Variants in SMARCA1 observed in about 807,000 individuals in gnomAD.
SMARCA1 encodes the protein SWI/SNF-related matrix-associated actin-dependent regulator of chromatin subfamily A member 1.
SMARCA1 carries 17 observed loss-of-function variants against 93.6 expected under a neutral mutation model. The observed-to-expected ratio is 0.18, with a 90% confidence interval of 0.12 to 0.27. The LOEUF is 0.27. SMARCA1 is among the 10% of genes least tolerant of loss of function. The pLI, the probability that SMARCA1 is intolerant of heterozygous loss-of-function variation, is 1.00. For missense variants in SMARCA1, 630 were observed against 819.0 expected (o/e 0.77, Z 2.82); for synonymous variants, 271 against 271.4 (o/e 1.00, Z 0.01).
chrX:129,498,542 T>C (rs959307475), intron 10 of SMARCA1, among the ~76,000 whole-genome samples: 1 of 111,493 alleles, frequency 9.0e-6, no homozygotes, highest in African/African-American at 3.3e-5. Flanking sequence ...ATTATAATAA[T>C]TATCAACTTT....
At position 129,471,259 on chromosome X, in the gene SMARCA1, C is replaced by G. The variant is rs34182579; in HGVS notation, c.2510G>C (p.Gly837Ala). 1,942 of 1,197,113 alleles carry G rather than the reference C, an allele frequency of 1.6e-3. 27 individuals are homozygous for G. In the African/African-American group the frequency reaches 0.029, roughly 18 times the overall value. The stretch of plus-strand genomic sequence containing the variant: ...CTCTTCTGGTGTAAGAGGTTCAGCT[C>G]CATCAATCTTTTTTTGCTCTTCTCT... ...AQREEQKKIDGAEPLTPEETE... is the reference protein window; with the variant it reads ...AQREEQKKIDAAEPLTPEETE... Residue 837 changes from glycine (G) to alanine (A), a missense_variant, in exon 20 of 25, where the codon GGA becomes GCA. Coordinates refer to ENST00000371121, the MANE Select transcript of SMARCA1 (RefSeq NM_001282874.2).
intron 23 of SMARCA1, among the ~76,000 whole-genome samples, chrX:129,459,626 C>A: frequency 9.0e-6 from 1 of 111,620 alleles, no homozygotes; most frequent in Admixed American, 9.5e-5. Context: ...TAAATAAAAG[C>A]TGCAGGGATG....
At chrX:129,492,781 GAACA>G (rs1331943765) in intron 13 of SMARCA1, among the ~76,000 whole-genome samples, 5 of 111,126 alleles carry the variant, frequency 4.5e-5, no homozygotes, top group African/African-American at 1.6e-4. Context: ...CAGAAAAAAA[GAACA>G]GACAACTCAC....
chrX:129,474,165 G>T (rs773953964), intron 19 of SMARCA1, among the ~76,000 whole-genome samples: 1 of 111,637 alleles, frequency 9.0e-6, no homozygotes, highest in South Asian at 3.8e-4. Context: ...ATATATGGGT[G>T]TTCACTGTAC....
At chrX:129,451,306 C>A (rs1174407463) in intron 23 of SMARCA1, among the ~76,000 whole-genome samples, 1 of 111,529 alleles carries the variant, frequency 9.0e-6, no homozygotes, top group Non-Finnish European at 1.9e-5. Flanking sequence ...GAGATTTGAT[C>A]GTTGGTTTCT....
In SMARCA1 at chrX:129,471,261, A is replaced by G; in HGVS notation, c.2508T>C (p.Asp836=). ...CTTCTGGTGTAAGAGGTTCAGCTCCATCAATCTTTTTTTGCTCTTCTCTTT... is the reference window on the plus strand; with the variant it reads ...CTTCTGGTGTAAGAGGTTCAGCTCCGTCAATCTTTTTTTGCTCTTCTCTTT... ...LAQREEQKKI[D]GAEPLTPEET... The change falls in exon 20 of 25, where the codon GAT becomes GAC. Residue 836 remains aspartate (D), a synonymous_variant. Transcript: ENST00000371121. 8.3e-7 allele frequency: 1 copy of G among 1,201,351 alleles called. No homozygotes were observed. Among genetic ancestry groups the G allele is most frequent in the Non-Finnish European group, 1.1e-6 (1 of 886,277 alleles).
intron 23 of SMARCA1, among the ~76,000 whole-genome samples, chrX:129,461,250 A>AT (rs927577020): frequency 5.5e-5 from 6 of 109,986 alleles, no homozygotes; most frequent in Admixed American, 2.9e-4. Context: ...AAAGGTAAGA[A>AT]TTTTTTTTTT....
chrX:129,492,332 C>G (rs1489312855), intron 13 of SMARCA1, among the ~76,000 whole-genome samples: 3 of 111,263 alleles, frequency 2.7e-5, no homozygotes, highest in Non-Finnish European at 3.8e-5. Context: ...AATGAAGTTC[C>G]TAATCTTTAA....
chrX:129,507,026 T>G (rs1267957657), intron 7 of SMARCA1, among the ~76,000 whole-genome samples: 1 of 111,932 alleles, frequency 8.9e-6, no homozygotes, highest in Admixed American at 9.6e-5. Context: ...GGTAATCATA[T>G]GAACAAAAAT....
chrX:129,490,600 G>T (rs758247738), intron 14 of SMARCA1, among the ~76,000 whole-genome samples: 1 of 111,758 alleles, frequency 8.9e-6, no homozygotes, highest in African/African-American at 3.2e-5. Flanking sequence ...GCTTACTGAG[G>T]GATATGCAGT....
At chrX:129,502,481 C>T (rs1934606341) in intron 9 of SMARCA1, among the ~76,000 whole-genome samples, 1 of 111,654 alleles carries the variant, frequency 9.0e-6, no homozygotes, top group Non-Finnish European at 1.9e-5. Flanking sequence ...AGCCAAGATA[C>T]TGACCAAAAA....
In SMARCA1 at chrX:129,523,335, C is replaced by T. The variant is rs1199784891; in HGVS notation, c.36G>A (p.Val12=). 1.7e-6 allele frequency: 2 copies of T among 1,197,561 alleles called. No individual in the cohort carries two copies. The highest frequency in any genetic ancestry group is 3.6e-5 in the South Asian group (2 of 55,549). ...TAGTGGCGGTCGCATCCGCGGCTGC[C>T]ACGGTGGCTGCCACTGCGGCAGTGT... ...EQDTAAVAAT[V]AAADATATIV... The change falls in exon 1 of 25, where the codon GTG becomes GTA. Residue 12 remains valine, a synonymous_variant. Transcript: ENST00000371121.
At chrX:129,504,563 A>ACAAAAC (rs1569446063) in intron 9 of SMARCA1, among the ~76,000 whole-genome samples, 171 bp downstream of exon 9, 2 of 96,038 alleles carry the variant, frequency 2.1e-5, no homozygotes, top group African/African-American at 8.7e-5. Flanking sequence ...AAAAAAAAAA[A>ACAAAAC]AAAAAAAAAA....
chrX:129,521,278 C>T (rs1032967842), intron 1 of SMARCA1, among the ~76,000 whole-genome samples: 1 of 112,290 alleles, frequency 8.9e-6, no homozygotes, highest in Non-Finnish European at 1.9e-5. Flanking sequence ...ATTTCAGGTG[C>T]CTTTGTGTCA....
intron 1 of SMARCA1, among the ~76,000 whole-genome samples, chrX:129,521,106 G>A (rs1359613676): frequency 1.8e-5 from 2 of 110,334 alleles, no homozygotes; most frequent in Non-Finnish European, 3.8e-5. Context: ...GGCTGGTTTC[G>A]AACTCCTGAC....
In SMARCA1 at chrX:129,516,340, G is replaced by A. The variant is rs1433446324; in HGVS notation, c.419C>T (p.Ser140Phe). 1.7e-6 allele frequency: 2 copies of A among 1,206,690 alleles called. No homozygotes were observed. The highest frequency in any genetic ancestry group is 2.2e-6 in the Non-Finnish European group (2 of 893,622). ...AGAGGTGCCAACATACTCTCCAGCA[G>A]AAATTAAGCTCTGCTTTTCATCTTT... The part of the protein sequence containing the change: ...IKKDEKQSLI[S>F]AGDYRHRRTE... The change falls in exon 3 of 25, where the codon TCT becomes TTT. Residue 140 changes from serine to phenylalanine, a missense_variant. This residue lies in a region of SMARCA1 where 382 missense variants were observed against 537.9 expected (regional missense o/e 0.71). Transcript: ENST00000371121.
chrX:129,466,495 A>T (rs188334264), intron 21 of SMARCA1, among the ~76,000 whole-genome samples: 5 of 110,794 alleles, frequency 4.5e-5, no homozygotes, highest in African/African-American at 1.6e-4. Context: ...TCTCTACTAA[A>T]AATACAAAAA....
chrX:129,461,475 C>T (rs748127734), intron 23 of SMARCA1, among the ~76,000 whole-genome samples: 87 of 111,757 alleles, frequency 7.8e-4, no homozygotes, highest in Non-Finnish European at 7.0e-4. Context: ...TTTTGGACTT[C>T]TTAGATTCTT....
chrX:129,511,833 T>C lies in SMARCA1; in HGVS notation c.781A>G (p.Ile261Val). ...FKRWVPSLRV[I>V]CFVGDKDARA... The stretch of plus-strand genomic sequence containing the variant: ...GCATCCTTGTCTCCGACAAAACAAA[T>C]GACACGGAGAGATGGGACCCATCGT... Residue 261 changes from isoleucine to valine, a missense_variant, in exon 6 of 25, where the codon ATT (isoleucine) becomes GTT (valine). Physicochemically the swap from Ile to Val is conservative, Grantham distance 29. This residue lies in a region of SMARCA1 where 382 missense variants were observed against 537.9 expected (regional missense o/e 0.71). Coordinates refer to ENST00000371121, the MANE Select transcript of SMARCA1 (RefSeq NM_001282874.2). The C allele has an allele frequency of 4.2e-6, 5 of 1,197,603 alleles. No individual in the cohort carries two copies. The highest frequency in any genetic ancestry group is 3.0e-5 in the East Asian group (1 of 33,459).
Sources: gnomAD v4.1 joint callset for allele counts (sites outside exome capture counted in the v4.1 genomes callset) on GRCh38, gnomAD v4.1.1 for gene constraint, gnomAD v4.1.1 regional missense constraint, MANE v1.5 for transcripts, NCBI Gene and HGNC (gene_info 2026-07-23, HGNC 2026-07-21) for gene names.